Variants in FSTL5 observed in about 807,000 individuals in gnomAD.
FSTL5 encodes follistatin-related protein 5.
Under a neutral mutation model 89.1 loss-of-function variants are expected in FSTL5, and 62 were observed. The ratio of observed to expected loss-of-function variants is 0.70; its 90% confidence interval spans 0.57 to 0.86. The LOEUF (loss-of-function observed/expected upper bound fraction) is 0.86. Among genes scored for constraint, FSTL5 ranks in the 40% least tolerant of loss-of-function variants. The probability of loss-of-function intolerance (pLI) is 0.00; values close to 1 mark genes in which losing one functional copy is unlikely to be tolerated. For synonymous variants in FSTL5, 383 were observed against 346.2 expected, an observed-to-expected ratio of 1.11 and a Z score of -1.18; for missense variants, 1,057 against 1,001.6, an observed-to-expected ratio of 1.06 and a Z score of -0.75.
At chr4:161,565,540 T>C (rs1732767152) in intron 8 of FSTL5, among the ~76,000 whole-genome samples, 1 of 151,840 alleles carries the variant, frequency 6.6e-6, no homozygotes, top group African/African-American at 2.4e-5. Context: ...AGGCCAGAAA[T>C]GAAATCTTGG....
At chr4:162,092,947 CAAAAAAAAAAAA>C (rs57860357) in intron 2 of FSTL5, among the ~76,000 whole-genome samples, 1 of 80,722 alleles carries the variant, frequency 1.2e-5, no homozygotes, top group Non-Finnish European at 2.3e-5. Context: ...GACTCTGTCT[CAAAAAAAAAAAA>C]AAAAAAAAAA....
chr4:161,528,333 T>A (rs1731299639), intron 10 of FSTL5, among the ~76,000 whole-genome samples: 1 of 143,448 alleles, frequency 7.0e-6, no homozygotes, highest in Non-Finnish European at 1.5e-5. Flanking sequence ...AATTTCACAT[T>A]TAACAACATT....
chr4:161,547,978 C>G (rs1212168686), intron 8 of FSTL5, among the ~76,000 whole-genome samples: 1 of 151,586 alleles, frequency 6.6e-6, no homozygotes, highest in Non-Finnish European at 1.5e-5. Context: ...GTGCTCAAAC[C>G]CTTTTTGAAA....
intron 7 of FSTL5, among the ~76,000 whole-genome samples, chr4:161,609,817 A>G (rs186388854): frequency 6.6e-6 from 1 of 152,198 alleles, no homozygotes; most frequent in Admixed American, 6.5e-5. Flanking sequence ...ACAGTAAACA[A>G]ACCTGTCCTC....
intron 1 of FSTL5, among the ~76,000 whole-genome samples, chr4:162,139,477 CACACAT>C (rs939442189): frequency 7.9e-5 from 12 of 152,026 alleles, no homozygotes; most frequent in South Asian, 4.2e-4. Context: ...CACACAAACA[CACACAT>C]ACACATACAC....
At chr4:161,736,099 T>C (rs1385458468) in intron 6 of FSTL5, among the ~76,000 whole-genome samples, 1 of 152,132 alleles carries the variant, frequency 6.6e-6, no homozygotes, top group Admixed American at 6.5e-5. Flanking sequence ...GATGAGTATG[T>C]GTGACTTTAT....
intron 3 of FSTL5, among the ~76,000 whole-genome samples, chr4:161,979,014 T>A (rs1457658855): frequency 4.6e-5 from 7 of 152,166 alleles, no homozygotes; most frequent in African/African-American, 7.2e-5. Flanking sequence ...AATTTAAATG[T>A]GAATATCCCA....
chr4:161,828,714 T>G (rs966607628), intron 4 of FSTL5, among the ~76,000 whole-genome samples: 3 of 152,176 alleles, frequency 2.0e-5, no homozygotes, highest in Non-Finnish European at 4.4e-5. Flanking sequence ...TTAGTGATAT[T>G]TAATAAATAA....
intron 6 of FSTL5, among the ~76,000 whole-genome samples, chr4:161,658,752 T>C (rs1377919369): frequency 6.6e-6 from 1 of 152,214 alleles, no homozygotes; most frequent in African/African-American, 2.4e-5. Flanking sequence ...ATAAAAGTAA[T>C]GGCATCATGT....
intron 6 of FSTL5, among the ~76,000 whole-genome samples, chr4:161,682,575 G>A (rs548406814): frequency 5.9e-4 from 88 of 150,080 alleles, no homozygotes; most frequent in African/African-American, 2.1e-3. Context: ...CATTAGCCTT[G>A]GTCTACATAG....
Position 161,385,883 on chromosome 4 carries a change from C to A in FSTL5, c.2408G>T (p.Ser803Ile), listed in dbSNP as rs747386555. ...CATCAGGTATTGACCAAACAAGCCA[C>A]TGTCCTGGATTTGCCTGTTTTTCCG... ...WNRKNRQIQD[S>I]GLFGQYLMTP... is the part of the protein sequence containing the mutation. Residue 803 changes from serine to isoleucine, a missense_variant, in exon 16 of 16, where the codon AGT (serine) becomes ATT (isoleucine). Around this residue, in one of 3 missense-constraint regions of FSTL5, gnomAD observed 68 missense variants for 73.3 expected, o/e 0.93. Transcript: ENST00000306100. The A allele has an allele frequency of 2.5e-6, 4 of 1,613,922 alleles. No homozygotes were observed. The South Asian group carries it at 4.4e-5, about 18-fold the overall frequency.
intron 3 of FSTL5, among the ~76,000 whole-genome samples, chr4:162,004,159 G>A (rs1736545677): frequency 6.6e-6 from 1 of 151,952 alleles, no homozygotes; most frequent in Admixed American, 6.6e-5. Flanking sequence ...TATTCATATG[G>A]ATATCATGCA....
intron 3 of FSTL5, among the ~76,000 whole-genome samples, chr4:161,945,492 G>A (rs994874578): frequency 2.0e-5 from 3 of 152,302 alleles, no homozygotes; most frequent in East Asian, 3.9e-4. Flanking sequence ...AGTGGCTCAC[G>A]CCTGTAATCC....
intron 2 of FSTL5, among the ~76,000 whole-genome samples, chr4:162,045,161 G>C (rs1252613518): frequency 6.6e-6 from 1 of 152,038 alleles, no homozygotes; most frequent in Admixed American, 6.6e-5. Flanking sequence ...ATCATTTCTA[G>C]CTTTTGATTT....
chr4:161,476,044 C>CTTTAAA (rs1157493460), intron 13 of FSTL5, among the ~76,000 whole-genome samples: 2 of 150,768 alleles, frequency 1.3e-5, no homozygotes, highest in African/African-American at 4.9e-5. Context: ...ATTCTGTTTT[C>CTTTAAA]TTTAAATGAC....
chr4:161,792,299 G>A (rs574517458), intron 4 of FSTL5, among the ~76,000 whole-genome samples: 1 of 152,118 alleles, frequency 6.6e-6, no homozygotes, highest in African/African-American at 2.4e-5. Flanking sequence ...TGGGAGGGAT[G>A]GGGGGTTGAG....
At chr4:161,482,839 A>G (rs1297966547) in intron 12 of FSTL5, among the ~76,000 whole-genome samples, 2 of 152,228 alleles carry the variant, frequency 1.3e-5, no homozygotes, top group African/African-American at 2.4e-5. Context: ...AGTGTCCATT[A>G]ATTTTTAAGA....
chr4:161,665,434 C>T, intron 6 of FSTL5, among the ~76,000 whole-genome samples: 1 of 152,032 alleles, frequency 6.6e-6, no homozygotes, highest in Non-Finnish European at 1.5e-5. Context: ...GGGGTTTCAC[C>T]GTGTTAGCCA....
intron 6 of FSTL5, among the ~76,000 whole-genome samples, chr4:161,733,901 C>T (rs1481216926): frequency 1.3e-5 from 2 of 151,836 alleles, no homozygotes; most frequent in African/African-American, 4.8e-5. Flanking sequence ...TATATTTAGA[C>T]AGTAGGATTG....
Sources: gnomAD v4.1 joint callset for allele counts (sites outside exome capture counted in the v4.1 genomes callset) on GRCh38, gnomAD v4.1.1 for gene constraint, gnomAD v4.1.1 regional missense constraint, MANE v1.5 for transcripts, NCBI Gene and HGNC (gene_info 2026-07-23, HGNC 2026-07-21) for gene names.